The following ANKRD36 variants were observed in gnomAD, a reference collection of about 807,000 sequenced individuals.
The protein encoded by ANKRD36 is ankyrin repeat domain-containing protein 36A.
In ANKRD36, 179 loss-of-function variants were observed where a neutral mutation model predicts 278.1. The ratio of observed to expected loss-of-function variants is 0.64; its 90% CI spans 0.57 to 0.73. ANKRD36 has a LOEUF of 0.73. Ranked by LOEUF, ANKRD36 falls within the 30% of genes least tolerant of loss-of-function variation. ANKRD36 has a pLI of 0.00. For missense variants in ANKRD36, 1,159 were observed against 1,956.7 expected, an observed-to-expected ratio of 0.59 and a Z score of 7.69; for synonymous variants, 320 against 641.1, an observed-to-expected ratio of 0.50 and a Z score of 7.57.
At chr2:97,185,202 A>T in intron 28 of ANKRD36, 114 bp from the exon 29 acceptor site, 3 of 1,390,252 alleles carry the variant, frequency 2.2e-6, no homozygotes, top group Non-Finnish European at 3.0e-6. Flanking sequence ...ACAAAAATCA[A>T]AGCCTATACT....
intron 66 of ANKRD36, among the ~76,000 whole-genome samples, chr2:97,223,183 C>G (rs1314260337): frequency 1.3e-5 from 2 of 149,298 alleles, no homozygotes; most frequent in African/African-American, 5.0e-5. Flanking sequence ...TCACTGCAAC[C>G]TCCACCTCCC....
chr2:97,199,751 G>A (rs571639688), intron 44 of ANKRD36, among the ~76,000 whole-genome samples: 1 of 151,984 alleles, frequency 6.6e-6, no homozygotes, highest in African/African-American at 2.4e-5. Context: ...ACACTACATG[G>A]GTGTGAGAGA....
intron 66 of ANKRD36, among the ~76,000 whole-genome samples, chr2:97,219,553 C>A (rs1372521367): frequency 6.7e-6 from 1 of 149,874 alleles, no homozygotes; most frequent in Non-Finnish European, 1.5e-5. Context: ...TCAATTGTAA[C>A]TCACGACAAC....
chr2:97,207,703 A>G, intron 52 of ANKRD36, 108 bp from the exon 53 acceptor site: 1 of 1,504,130 alleles, frequency 6.6e-7, no homozygotes. Flanking sequence ...ATCAAAGCCT[A>G]CGCTAATACA....
chr2:97,122,882 T>G lies in ANKRD36; in HGVS notation c.487-5T>G. 6.5e-7 allele frequency: 1 copy of G among 1,534,610 alleles called. No individual in the cohort carries two copies. The highest frequency in any genetic ancestry group is 8.8e-7 in the Non-Finnish European group (1 of 1,138,526). On this transcript the variant is annotated splice_polypyrimidine_tract_variant and splice_region_variant and intron_variant, in intron 3 of 75. Transcript: ENST00000420699. ...TGATTATAAATTGTTGCTGTTATTT[T>G]ACAGTGTGAATATCAGCCACTGTTA...
At chr2:97,136,395 T>G (rs1307721317) in intron 6 of ANKRD36, among the ~76,000 whole-genome samples, 2 of 151,800 alleles carry the variant, frequency 1.3e-5, no homozygotes, top group Non-Finnish European at 1.5e-5. Flanking sequence ...TAAATGTGTT[T>G]CCATGAGTTC....
chr2:97,121,330 A>C (rs1306766721), intron 3 of ANKRD36, among the ~76,000 whole-genome samples: 1 of 152,078 alleles, frequency 6.6e-6, no homozygotes, highest in Non-Finnish European at 1.5e-5. Context: ...TTTTCTCTTC[A>C]GCATTGCCTC....
At chr2:97,192,931 C>T in intron 37 of ANKRD36, 45 bp downstream of exon 37, 1 of 1,597,470 alleles carries the variant, frequency 6.3e-7, no homozygotes, top group Non-Finnish European at 8.5e-7. Flanking sequence ...AAGGTATGGT[C>T]TATGAAACAT....
intron 67 of ANKRD36, among the ~76,000 whole-genome samples, chr2:97,225,401 G>A (rs1480817583): frequency 1.3e-5 from 2 of 152,084 alleles, no homozygotes; most frequent in Non-Finnish European, 2.9e-5. Flanking sequence ...TGGCTATCAA[G>A]AGAATTATAC....
intron 4 of ANKRD36, among the ~76,000 whole-genome samples, 187 bp downstream of exon 4, chr2:97,123,180 A>G (rs944703171): frequency 5.3e-5 from 8 of 151,920 alleles, no homozygotes; most frequent in South Asian, 2.1e-4. Context: ...TAACATAAAG[A>G]ACAGTGTATA....
At chr2:97,202,102 A>C in intron 46 of ANKRD36, 100 bp from the exon 47 acceptor site, 1 of 1,578,784 alleles carries the variant, frequency 6.3e-7, no homozygotes, top group East Asian at 2.3e-5. Flanking sequence ...CTATGCTAAT[A>C]CAGGCAGGAG....
Position 97,164,573 on chromosome 2 carries a change from A to G in ANKRD36, c.1531+104A>G, listed in dbSNP as rs902949494. 10 of 1,022,602 alleles carry G rather than the reference A, an allele frequency of 9.8e-6. No individual in the cohort carries two copies. The African/African-American group carries it at 1.7e-4, about 18-fold the overall frequency. 63.3% of individuals were successfully genotyped at this position (1,022,602 alleles called of 1,614,324 possible). Reference sequence around the variant, plus strand: ...CTTTTTATCCAAGTGAGATGGAAGGATTTGATGTAAATATGCTGATGTTCT... The same window carrying G: ...CTTTTTATCCAAGTGAGATGGAAGGGTTTGATGTAAATATGCTGATGTTCT... On this transcript the variant is annotated intron_variant, in intron 20 of 75. Coordinates refer to ENST00000420699, the MANE Select transcript of ANKRD36 (RefSeq NM_001354587.1).
At chr2:97,191,067 A>G (rs765326009) in intron 35 of ANKRD36, 42 bp from the exon 36 acceptor site, 2 of 1,593,518 alleles carry the variant, frequency 1.3e-6, no homozygotes, top group East Asian at 4.6e-5. Flanking sequence ...AATATACTTC[A>G]TTGATTTATT....
chr2:97,221,541 T>A (rs1177275105), intron 66 of ANKRD36, among the ~76,000 whole-genome samples: 19 of 128,916 alleles, frequency 1.5e-4, no homozygotes, highest in Non-Finnish European at 2.8e-4. Context: ...ATGATGAGCA[T>A]TTCTTCATGT....
chr2:97,203,340 C>G (rs1223236512), intron 48 of ANKRD36, among the ~76,000 whole-genome samples: 1 of 151,832 alleles, frequency 6.6e-6, no homozygotes, highest in African/African-American at 2.4e-5. Context: ...AGCAGTTTCA[C>G]TTTGTATGTG....
intron 66 of ANKRD36, among the ~76,000 whole-genome samples, chr2:97,221,170 T>G (rs1285331072): frequency 1.5e-3 from 198 of 134,264 alleles, no homozygotes; most frequent in African/African-American, 6.5e-3. Context: ...CTTAATCCAG[T>G]CTATCATTGT....
At chr2:97,114,035 T>C in intron 1 of ANKRD36, 99 bp downstream of exon 1, 2 of 1,234,744 alleles carry the variant, frequency 1.6e-6, no homozygotes, top group South Asian at 1.4e-5. Flanking sequence ...GGTCCGGGGC[T>C]CGGGGTTTGG....
At chr2:97,198,323 C>G in intron 42 of ANKRD36, 140 bp from the exon 43 acceptor site, 2 of 1,504,118 alleles carry the variant, frequency 1.3e-6, no homozygotes, top group Non-Finnish European at 1.8e-6. Flanking sequence ...ACGTTCTAGT[C>G]CCCAGACACA....
At chr2:97,141,422 A>G (rs1349812537) in intron 6 of ANKRD36, among the ~76,000 whole-genome samples, 1 of 138,546 alleles carries the variant, frequency 7.2e-6, no homozygotes, top group Non-Finnish European at 1.5e-5. Flanking sequence ...CGGGAAATGT[A>G]GGAATATTAG....
Sources: allele counts gnomAD v4.1 joint callset (sites outside exome capture counted in the v4.1 genomes callset), GRCh38; gene constraint gnomAD v4.1.1; transcripts MANE v1.5; gene names NCBI Gene and HGNC (gene_info 2026-07-23, HGNC 2026-07-21).